The following SIPA1L2 variants were observed in gnomAD, a reference collection of about 807,000 sequenced individuals.
SIPA1L2 encodes the protein signal induced proliferation associated 1 like 2.
SIPA1L2 carries 56 observed loss-of-function variants against 163.9 expected under a neutral mutation model. The observed-to-expected ratio is 0.34, with a 90% CI of 0.28 to 0.43. The LOEUF (loss-of-function observed/expected upper bound fraction) is 0.43, where lower values mean the gene tolerates loss of function less well. Among genes scored for constraint, SIPA1L2 ranks in the 20% least tolerant of loss-of-function variants. The pLI is 1.00. For synonymous variants in SIPA1L2, 877 were observed against 865.7 expected, an observed-to-expected ratio of 1.01 and a Z score of -0.23; for missense variants, 1,974 against 2,193.5, an observed-to-expected ratio of 0.90 and a Z score of 2.00.
At chr1:232,446,686 CTCTT>C (rs543154640) in intron 10 of SIPA1L2, among the ~76,000 whole-genome samples, 8 of 152,340 alleles carry the variant, frequency 5.3e-5, no homozygotes, top group African/African-American at 1.9e-4. Context: ...AGGTTTCTCT[CTCTT>C]TCTCTGTCTG....
intron 19 of SIPA1L2, among the ~76,000 whole-genome samples, chr1:232,412,294 G>A (rs1043750469): frequency 6.6e-6 from 1 of 152,130 alleles, no homozygotes; most frequent in African/African-American, 2.4e-5. Context: ...TAGGGATCAT[G>A]GGATCTCAAT....
chr1:232,435,529 C>T (rs997251663), intron 15 of SIPA1L2, among the ~76,000 whole-genome samples: 1 of 152,156 alleles, frequency 6.6e-6, no homozygotes, highest in Non-Finnish European at 1.5e-5. Flanking sequence ...ATACTGCTGA[C>T]GTCCAGTCAT....
At chr1:232,503,210 A>C (rs1337986699) in intron 3 of SIPA1L2, among the ~76,000 whole-genome samples, 4 of 152,244 alleles carry the variant, frequency 2.6e-5, no homozygotes, top group African/African-American at 9.6e-5. Flanking sequence ...TATCATGCAA[A>C]TACAACAGGG....
At chr1:232,595,318 T>G (rs1448976407) in intron 1 of SIPA1L2, among the ~76,000 whole-genome samples, 2 of 151,784 alleles carry the variant, frequency 1.3e-5, no homozygotes, top group African/African-American at 4.9e-5. Flanking sequence ...AGGCCTTCAC[T>G]CTAATAAACT....
At chr1:232,545,598 A>C (rs563804923) in intron 2 of SIPA1L2, among the ~76,000 whole-genome samples, 4 of 152,350 alleles carry the variant, frequency 2.6e-5, no homozygotes, top group Admixed American at 6.5e-5. Context: ...ACAAGCTGAA[A>C]AATTCATAGC....
At chr1:232,460,789 G>A in intron 10 of SIPA1L2, 98 bp downstream of exon 10, 1 of 1,416,326 alleles carries the variant, frequency 7.1e-7, no homozygotes, top group Non-Finnish European at 9.5e-7. Context: ...AGACACACTT[G>A]ACTGCATTTT....
intron 1 of SIPA1L2, among the ~76,000 whole-genome samples, chr1:232,594,079 C>T (rs1367667514): frequency 6.6e-6 from 1 of 152,112 alleles, no homozygotes; most frequent in Non-Finnish European, 1.5e-5. Context: ...ATCTCAAAAC[C>T]CCACCCTGGC....
At chr1:232,424,495 C>T (rs1661774513) in intron 18 of SIPA1L2, among the ~76,000 whole-genome samples, 1 of 151,868 alleles carries the variant, frequency 6.6e-6, no homozygotes, top group African/African-American at 2.4e-5. Context: ...ATTGGTTTTA[C>T]AAAAGCTTTT....
chr1:232,575,458 T>G (rs114226332), intron 1 of SIPA1L2, among the ~76,000 whole-genome samples: 23 of 152,298 alleles, frequency 1.5e-4, no homozygotes, highest in Non-Finnish European at 2.9e-4. Context: ...ACAGAAACAG[T>G]AGATGAAAAA....
chr1:232,622,126 T>C (rs1200034856), intron 1 of SIPA1L2, among the ~76,000 whole-genome samples: 1 of 152,264 alleles, frequency 6.6e-6, no homozygotes, highest in Admixed American at 6.5e-5. Context: ...GCTTCTACTA[T>C]CATGTATGCC....
chr1:232,606,911 C>T (rs61823264), intron 1 of SIPA1L2, among the ~76,000 whole-genome samples: 4 of 151,898 alleles, frequency 2.6e-5, no homozygotes, highest in Admixed American at 2.0e-4. Context: ...TAAACATTTG[C>T]TAATTACTTG....
At chr1:232,479,785 T>C (rs1665231321) in intron 6 of SIPA1L2, 55 bp from the exon 7 acceptor site, 1 of 1,487,196 alleles carries the variant, frequency 6.7e-7, no homozygotes, top group Non-Finnish European at 9.4e-7. Context: ...AATTAGTGCT[T>C]CGATATTTAA....
At chr1:232,564,110 T>C (rs1293893163) in intron 2 of SIPA1L2, among the ~76,000 whole-genome samples, 1 of 116,206 alleles carries the variant, frequency 8.6e-6, no homozygotes, top group Admixed American at 9.0e-5. Flanking sequence ...TTCATCATGT[T>C]GGCCAGACTG....
intron 10 of SIPA1L2, among the ~76,000 whole-genome samples, chr1:232,451,553 G>A (rs900946957): frequency 2.0e-5 from 3 of 152,132 alleles, no homozygotes; most frequent in Non-Finnish European, 2.9e-5. Flanking sequence ...TGCTCAACCC[G>A]TGTGTAACTG....
intron 5 of SIPA1L2, among the ~76,000 whole-genome samples, chr1:232,484,306 C>T (rs915342177): frequency 5.3e-5 from 8 of 152,116 alleles, no homozygotes; most frequent in Non-Finnish European, 1.2e-4. Context: ...ATCTTACACA[C>T]TTCATATAGT....
At chr1:232,475,949 C>T (rs1006211324) in intron 7 of SIPA1L2, among the ~76,000 whole-genome samples, 17 of 152,164 alleles carry the variant, frequency 1.1e-4, no homozygotes, top group African/African-American at 2.9e-4. Context: ...TAAGTATATG[C>T]TCCTACTTAG....
chr1:232,538,782 G>A (rs1657466567), intron 2 of SIPA1L2, among the ~76,000 whole-genome samples: 1 of 152,008 alleles, frequency 6.6e-6, no homozygotes, highest in South Asian at 2.1e-4. Flanking sequence ...TACAATTTGA[G>A]TAGAGAGCTC....
chr1:232,513,716 T>G, intron 3 of SIPA1L2, 141 bp downstream of exon 3: 2 of 840,096 alleles, frequency 2.4e-6, no homozygotes, highest in Non-Finnish European at 1.8e-6. Context: ...GGAGGGACCA[T>G]GATGGAGAAC....
chr1:232,553,387 G>A (rs191577614), intron 2 of SIPA1L2, among the ~76,000 whole-genome samples: 5 of 152,240 alleles, frequency 3.3e-5, no homozygotes, highest in South Asian at 2.1e-4. Context: ...AGGACGGGGG[G>A]GCGTAGTGGG....
Sources: allele counts gnomAD v4.1 joint callset (sites outside exome capture counted in the v4.1 genomes callset), GRCh38; gene constraint gnomAD v4.1.1; transcripts MANE v1.5; gene names NCBI Gene and HGNC (gene_info 2026-07-23, HGNC 2026-07-21).